The following CNPY1 variants were observed in gnomAD, a reference collection of about 807,000 sequenced individuals.
CNPY1 encodes protein canopy homolog 1.
Under a neutral mutation model 14.4 loss-of-function variants are expected in CNPY1, and 14 were observed. The observed-to-expected ratio is 0.97, with a 90% CI of 0.64 to 1.52. The LOEUF (loss-of-function observed/expected upper bound fraction) is 1.52. Ranked by LOEUF, CNPY1 falls within the 40% of genes most tolerant of loss-of-function variation. CNPY1 has a pLI of 0.00. For missense variants in CNPY1, 129 were observed against 131.5 expected, an observed-to-expected ratio of 0.98 and a Z score of 0.09; for synonymous variants, 43 against 46.5, an observed-to-expected ratio of 0.92 and a Z score of 0.31.
In CNPY1 at chr7:155,502,939, G is replaced by A. The variant is rs180728200; in HGVS notation, c.*129C>T. The A allele has an allele frequency of 2.3e-5, 17 of 739,808 alleles. No homozygotes were observed. Among genetic ancestry groups the A allele is most frequent in the African/African-American group, 5.4e-5 (3 of 55,764 alleles). The allele number at this position is 739,808 out of a possible 1,614,324, so 45.8% of individuals were successfully genotyped here. ...CAGATTTTCAAAATGAATCATAAAC[G>A]GAGACAAACACGGTATAAACAAGAG... On this transcript the variant is annotated 3_prime_UTR_variant, in exon 5 of 5. Coordinates refer to ENST00000636446, the MANE Select transcript of CNPY1 (RefSeq NM_001393663.1).
intron 2 of CNPY1, among the ~76,000 whole-genome samples, chr7:155,524,610 C>T (rs1243109666): frequency 6.6e-6 from 1 of 152,212 alleles, no homozygotes; most frequent in African/African-American, 2.4e-5. Flanking sequence ...GCCACTGTCT[C>T]CAATCACCCC....
intron 2 of CNPY1, among the ~76,000 whole-genome samples, chr7:155,532,537 C>G (rs1041683071): frequency 6.6e-6 from 1 of 152,076 alleles, no homozygotes; most frequent in Admixed American, 6.6e-5. Flanking sequence ...AGGAGAATGG[C>G]GTGAACCCGG....
chr7:155,503,046 T>C lies in CNPY1; in HGVS notation c.*22A>G. On this transcript the variant is annotated 3_prime_UTR_variant, in exon 5 of 5. Coordinates refer to ENST00000636446, the MANE Select transcript of CNPY1 (RefSeq NM_001393663.1). Reference sequence around the variant, plus strand: ...CTTTGGGTGTGACTTTACTCCTCTCTACGACCAGCAGAACGGCACTCCTAG... The same window carrying C: ...CTTTGGGTGTGACTTTACTCCTCTCCACGACCAGCAGAACGGCACTCCTAG... 1 of 1,607,280 alleles carries C rather than the reference T, an allele frequency of 6.2e-7. No homozygotes were observed. The highest frequency in any genetic ancestry group is 8.5e-7 in the Non-Finnish European group (1 of 1,177,022).
intron 2 of CNPY1, among the ~76,000 whole-genome samples, chr7:155,528,152 G>GAA (rs1384812891): frequency 1.3e-5 from 2 of 152,162 alleles, no homozygotes; most frequent in Non-Finnish European, 2.9e-5. Flanking sequence ...GAAAGTTCAG[G>GAA]AAAAAGGACA....
Position 155,502,003 on chromosome 7 carries a change from T to TG in CNPY1, c.*1064dup, listed in dbSNP as rs60236629. On this transcript the variant is annotated 3_prime_UTR_variant, in exon 5 of 5. Coordinates refer to ENST00000636446, the MANE Select transcript of CNPY1 (RefSeq NM_001393663.1). The stretch of plus-strand genomic sequence containing the variant: ...GCAAAGAGTTTTGGGTCGGGGGGGT[T>TG]GGGGGGGGGATTTGTAGCATCCTAC... The TG allele has an allele frequency of 0.62, 77,812 of 124,880 alleles. 21,373 individuals are homozygous for TG. The highest frequency in any genetic ancestry group is 0.8 in the East Asian group (3,462 of 4,304). 7.7% of individuals were successfully genotyped at this position (124,880 alleles called of 1,614,324 possible).
At chr7:155,515,046 C>A (rs1264845194) in intron 2 of CNPY1, among the ~76,000 whole-genome samples, 3 of 152,202 alleles carry the variant, frequency 2.0e-5, no homozygotes, top group Non-Finnish European at 4.4e-5. Context: ...ACGCACACAC[C>A]ACGCCATGCA....
At chr7:155,519,389 C>T (rs761678613) in intron 2 of CNPY1, among the ~76,000 whole-genome samples, 2 of 151,976 alleles carry the variant, frequency 1.3e-5, no homozygotes, top group African/African-American at 4.8e-5. Flanking sequence ...GGCATGGTGG[C>T]GAGCACCTGT....
intron 4 of CNPY1, among the ~76,000 whole-genome samples, chr7:155,504,763 T>A (rs1796244221): frequency 6.6e-6 from 1 of 151,044 alleles, no homozygotes; most frequent in South Asian, 2.1e-4. Flanking sequence ...AACTCTGGAG[T>A]GTCTATCACA....
chr7:155,503,236 C>G (rs1796179151), intron 4 of CNPY1, 131 bp from the exon 5 acceptor site: 1 of 769,372 alleles, frequency 1.3e-6, no homozygotes, highest in African/African-American at 1.8e-5. Flanking sequence ...GAAATTTTCC[C>G]AAAATGTTAT....
intron 2 of CNPY1, among the ~76,000 whole-genome samples, chr7:155,522,026 A>G (rs1796735032): frequency 6.6e-6 from 1 of 152,230 alleles, no homozygotes; most frequent in African/African-American, 2.4e-5. Context: ...AGTGGGCACA[A>G]CCGAGGTTCC....
rs1374447242 is a variant in CNPY1, at chr7:155,501,378, G to A, written c.*1690C>T. ...TAGTGTTAGCATTGCCTACATTTGA[G>A]AATGTTTGATGATGATCAAAGAGAG... is the stretch of plus-strand genomic sequence containing the variant. On this transcript the variant is annotated 3_prime_UTR_variant, in exon 5 of 5. Coordinates refer to ENST00000636446, the MANE Select transcript of CNPY1 (RefSeq NM_001393663.1). 2.0e-5 allele frequency: 3 copies of A among 152,188 alleles called. No individual in the cohort carries two copies. The highest frequency in any genetic ancestry group is 7.2e-5 in the African/African-American group (3 of 41,448). 9.4% of individuals were successfully genotyped at this position (152,188 alleles called of 1,614,324 possible).
intron 2 of CNPY1, among the ~76,000 whole-genome samples, chr7:155,539,610 T>C (rs776904460): frequency 3.9e-5 from 6 of 152,124 alleles, no homozygotes; most frequent in Non-Finnish European, 7.4e-5. Flanking sequence ...GCTCTGTCAA[T>C]AGTGTGGGAG....
rs35269808 is a variant in CNPY1 at position 155,524,530 on chromosome 7, C to T, written c.100-15433G>A. On this transcript the variant is annotated intron_variant, in intron 2 of 4. Transcript: ENST00000636446. ...TTAGATTCTCATAGGAGTGTGAACCCTATTGTGAACGGCACATGCAAGGGA... is the reference window on the plus strand; with the variant it reads ...TTAGATTCTCATAGGAGTGTGAACCTTATTGTGAACGGCACATGCAAGGGA... 1.9e-3 allele frequency among the ~76,000 whole-genome samples: 294 copies of T among 152,252 alleles called. 2 individuals carry two copies. Among genetic ancestry groups the T allele is most frequent in the Non-Finnish European group, 2.3e-3 (158 of 68,004 alleles).
chr7:155,535,782 T>G (rs1585334058), intron 2 of CNPY1, among the ~76,000 whole-genome samples: 1 of 152,046 alleles, frequency 6.6e-6, no homozygotes, highest in Non-Finnish European at 1.5e-5. Flanking sequence ...GGGATCAGGG[T>G]CGTGTCATTG....
chr7:155,542,021 G>A (rs938777890), intron 2 of CNPY1, among the ~76,000 whole-genome samples: 3 of 151,352 alleles, frequency 2.0e-5, no homozygotes, highest in Non-Finnish European at 2.9e-5. Context: ...TTTGCAAGCC[G>A]GCTGCCATGA....
chr7:155,532,390 AGGCG>A (rs1279743287), intron 2 of CNPY1, among the ~76,000 whole-genome samples: 1 of 151,440 alleles, frequency 6.6e-6, no homozygotes, highest in African/African-American at 2.4e-5. Flanking sequence ...TGGGAGGCCG[AGGCG>A]GGCGGATCAC....
intron 2 of CNPY1, among the ~76,000 whole-genome samples, chr7:155,521,820 T>C (rs999514453): frequency 5.3e-5 from 8 of 152,298 alleles, no homozygotes; most frequent in African/African-American, 1.9e-4. Flanking sequence ...CCCTGAGCTA[T>C]GGACTATGTT....
At chr7:155,508,071 G>A (rs970680735) in intron 3 of CNPY1, among the ~76,000 whole-genome samples, 2 of 152,126 alleles carry the variant, frequency 1.3e-5, no homozygotes, top group Non-Finnish European at 2.9e-5. Context: ...TTAAAAATCG[G>A]CTAAAGCCCT....
chr7:155,512,931 A>G (rs1165794949), intron 2 of CNPY1, among the ~76,000 whole-genome samples: 2 of 152,220 alleles, frequency 1.3e-5, no homozygotes, highest in Non-Finnish European at 2.9e-5. Context: ...GCAATATTGC[A>G]TCTAGTTTAA....
Sources: gnomAD v4.1 joint callset for allele counts (sites outside exome capture counted in the v4.1 genomes callset) on GRCh38, gnomAD v4.1.1 for gene constraint, MANE v1.5 for transcripts, NCBI Gene and HGNC (gene_info 2026-07-23, HGNC 2026-07-21) for gene names.